ITGAE: variants seen among roughly 807,000 people sequenced by gnomAD.
ITGAE encodes the protein integrin subunit alpha E.
Under a neutral mutation model 136.5 loss-of-function variants are expected in ITGAE, and 99 were observed. That is an observed-to-expected ratio of 0.73 (90% CI 0.62 to 0.86). The LOEUF (loss-of-function observed/expected upper bound fraction) is 0.86, where lower values mean the gene tolerates loss of function less well. Among genes scored for constraint, ITGAE ranks in the 40% least tolerant of loss-of-function variants. The probability of loss-of-function intolerance (pLI) is 0.00; values close to 1 mark genes in which losing one functional copy is unlikely to be tolerated. For synonymous variants in ITGAE, 613 were observed against 591.8 expected, an observed-to-expected ratio of 1.04 and a Z score of -0.52; for missense variants, 1,447 against 1,515.3, an observed-to-expected ratio of 0.95 and a Z score of 0.75.
rs533253839 is a variant in ITGAE at position 3,763,342 on chromosome 17, G to A, written c.247+527C>T. ...CATTCATTCATTCATTCATTCAAAT[G>A]GCATTTATTGAGTACCTAATATATG... On this transcript the variant is annotated intron_variant, in intron 3 of 30. Transcript: ENST00000263087. Among the ~76,000 whole-genome samples, 108 of 99,582 alleles carry A rather than the reference G, an allele frequency of 1.1e-3. 1 individual carries two copies. Among genetic ancestry groups the A allele is most frequent in the Non-Finnish European group, 1.8e-3 (82 of 46,052 alleles). 65.3% of individuals were successfully genotyped at this position (99,582 alleles called of 152,430 possible).
intron 18 of ITGAE, among the ~76,000 whole-genome samples, chr17:3,745,149 C>G (rs554550841): frequency 6.6e-6 from 1 of 151,970 alleles, no homozygotes; most frequent in South Asian, 2.1e-4. Context: ...ATGGTCGTTT[C>G]TATCTTTTTA....
intron 21 of ITGAE, among the ~76,000 whole-genome samples, chr17:3,733,721 A>C (rs1328574960): frequency 6.6e-6 from 1 of 152,216 alleles, no homozygotes; most frequent in African/African-American, 2.4e-5. Flanking sequence ...GCACCCATCC[A>C]AAAACTACAC....
intron 2 of ITGAE, among the ~76,000 whole-genome samples, chr17:3,775,009 C>T (rs527588143): frequency 2.0e-5 from 3 of 152,116 alleles, no homozygotes; most frequent in South Asian, 2.1e-4. Flanking sequence ...GGCACAATCG[C>T]GGCTCACTGC....
chr17:3,761,893 C>T (rs918735860), intron 4 of ITGAE, 22 bp downstream of exon 4: 7 of 1,609,364 alleles, frequency 4.3e-6, no homozygotes, highest in South Asian at 1.1e-5. Context: ...AAGGCCCTCC[C>T]TCCTCTCGCT....
intron 2 of ITGAE, among the ~76,000 whole-genome samples, chr17:3,774,736 G>C (rs2052502117): frequency 6.6e-6 from 1 of 152,168 alleles, no homozygotes; most frequent in African/African-American, 2.4e-5. Context: ...CTGCACTCCA[G>C]CCTGGGTGAC....
rs10438719 is a variant in ITGAE at position 3,754,068 on chromosome 17, A to T, written c.1385-143T>A. The T allele has an allele frequency of 1.2e-3, 1,122 of 929,992 alleles. 18 individuals are homozygous for T. In the African/African-American group the frequency reaches 0.016, roughly 13 times the overall value. 57.6% of individuals were successfully genotyped at this position (929,992 alleles called of 1,614,324 possible). A position where few individuals can be genotyped will look rare whatever the true frequency, so the allele number is the denominator to read the frequency against. On this transcript the variant is annotated intron_variant, in intron 12 of 30. Coordinates refer to ENST00000263087, the MANE Select transcript of ITGAE (RefSeq NM_002208.5). Reference sequence around the variant, plus strand: ...GAGAGACTGTCTTTCTCACTATGTTAAAAATCGGCATCAGCGAGCACTCTC... The same window carrying T: ...GAGAGACTGTCTTTCTCACTATGTTTAAAATCGGCATCAGCGAGCACTCTC...
intron 3 of ITGAE, among the ~76,000 whole-genome samples, chr17:3,762,436 G>GCC (rs985699215): frequency 6.6e-6 from 1 of 151,948 alleles, no homozygotes; most frequent in Non-Finnish European, 1.5e-5. Context: ...GAATCTTACT[G>GCC]CCCCCAGCCT....
intron 28 of ITGAE, among the ~76,000 whole-genome samples, chr17:3,723,006 A>C (rs1167957217): frequency 1.3e-5 from 2 of 152,120 alleles, no homozygotes; most frequent in African/African-American, 4.8e-5. Flanking sequence ...TGGGTTTAGG[A>C]TATATTTTGG....
At position 3,751,674 on chromosome 17, in the gene ITGAE, G is replaced by A. The variant is rs577050526; in HGVS notation, c.1869C>T (p.Asp623=). The A allele has an allele frequency of 2.4e-5, 38 of 1,613,732 alleles. No individual in the cohort carries two copies. Among genetic ancestry groups the A allele is most frequent in the Admixed American group, 1.0e-4 (6 of 59,968 alleles). The change falls in exon 15 of 31, where the codon GAC becomes GAT. Residue 623 remains aspartate, a synonymous_variant. Coordinates refer to ENST00000263087, the MANE Select transcript of ITGAE (RefSeq NM_002208.5). ...GSVYIYNGHW[D]GLSASPSQRI... is the part of the protein sequence containing the mutation. ...CCTGCGAGGGGCTGGCGGAGAGGCC[G>A]TCCCAGTGTCCATTGTAGATATACA...
At chr17:3,728,870 T>TA (rs1157206313) in intron 24 of ITGAE, among the ~76,000 whole-genome samples, 1 of 151,304 alleles carries the variant, frequency 6.6e-6, no homozygotes, top group East Asian at 2.0e-4. Flanking sequence ...CCGTCTCTAT[T>TA]AAAAATTTTT....
At chr17:3,723,423 G>T in intron 27 of ITGAE, 40 bp from the exon 28 acceptor site, 1 of 1,423,668 alleles carries the variant, frequency 7.0e-7, no homozygotes, top group Non-Finnish European at 9.9e-7. Flanking sequence ...TCCTTTCCGT[G>T]CGGAAAGTCT....
intron 17 of ITGAE, among the ~76,000 whole-genome samples, chr17:3,746,459 CTT>C: frequency 6.9e-6 from 1 of 144,124 alleles, no homozygotes; most frequent in African/African-American, 2.5e-5. Context: ...TTTCTTTTTT[CTT>C]TTTTTTTTTC....
chr17:3,749,240 G>A (rs1367546787), intron 16 of ITGAE, among the ~76,000 whole-genome samples: 2 of 151,470 alleles, frequency 1.3e-5, no homozygotes, highest in African/African-American at 4.8e-5. Context: ...GGTGGGGGGA[G>A]ATAAAAGCTC....
intron 1 of ITGAE, among the ~76,000 whole-genome samples, chr17:3,792,242 C>G (rs892357182): frequency 3.9e-5 from 6 of 152,160 alleles, no homozygotes; most frequent in Non-Finnish European, 8.8e-5. Flanking sequence ...CTGCCTCGGC[C>G]TCCTGAGTAG....
At position 3,756,217 on chromosome 17, in the gene ITGAE, TG is replaced by T. The variant is rs1254182289; in HGVS notation, c.1172-321del. Among the ~76,000 whole-genome samples, 18 of 134,060 alleles carry T rather than the reference TG, an allele frequency of 1.3e-4. 1 individual carries two copies. The highest frequency in any genetic ancestry group is 2.0e-4 in the East Asian group (1 of 4,882). 87.9% of individuals were successfully genotyped at this position (134,060 alleles called of 152,430 possible). A position where few individuals can be genotyped will look rare whatever the true frequency, so the allele number is the denominator to read the frequency against. On this transcript the variant is annotated intron_variant, in intron 10 of 30. Coordinates refer to ENST00000263087, the MANE Select transcript of ITGAE (RefSeq NM_002208.5). ...GGGACGCAAGGAGGCCTGGGGATAT[TG>T]TTGGCCTTTTTTTTTTTTTTTTTTT...
chr17:3,725,047 A>T, intron 26 of ITGAE: 1 of 1,614,248 alleles, frequency 6.2e-7, no homozygotes, highest in Non-Finnish European at 8.5e-7. Flanking sequence ...CCCACCCAGG[A>T]CCTGACTCCT....
chr17:3,780,121 G>A (rs1410102487), intron 1 of ITGAE, among the ~76,000 whole-genome samples: 1 of 150,606 alleles, frequency 6.6e-6, no homozygotes, highest in Non-Finnish European at 1.5e-5. Context: ...TTACAGGCAT[G>A]TGCCACCATG....
At position 3,753,313 on chromosome 17, in the gene ITGAE, A is replaced by G. The variant is rs763669449; in HGVS notation, c.1645T>C (p.Tyr549His). The change falls in exon 14 of 31, where the codon TAC becomes CAC. Residue 549 changes from tyrosine (Y) to histidine (H), a missense_variant. Transcript: ENST00000263087. ...YHVHGEEGRV[Y>H]VYRLSEQDGS... ...ACCTGCTCGCTGAGACGGTACACGT[A>G]GACTCTGCCTTCTTCTCCATGAACG... 38 of 1,614,076 alleles carry G rather than the reference A, an allele frequency of 2.4e-5. No homozygotes were observed. In the East Asian group the frequency reaches 8.5e-4, roughly 36 times the overall value.
At chr17:3,724,233 C>A (rs763743309) in intron 26 of ITGAE, 1 of 1,593,660 alleles carries the variant, frequency 6.3e-7, no homozygotes, top group Non-Finnish European at 8.5e-7. Flanking sequence ...GACCCCAAAG[C>A]GCTGGAAGCT....
Sources: gnomAD v4.1 joint callset for allele counts (sites outside exome capture counted in the v4.1 genomes callset) on GRCh38, gnomAD v4.1.1 for gene constraint, MANE v1.5 for transcripts, NCBI Gene and HGNC (gene_info 2026-07-23, HGNC 2026-07-21) for gene names.